The following WWOX variants were observed in gnomAD, a reference collection of about 807,000 sequenced individuals.
The protein encoded by WWOX is WW domain-containing oxidoreductase.
WWOX carries 69 observed loss-of-function variants against 46.2 expected under a neutral mutation model. That is an observed-to-expected ratio of 1.49 (90% confidence interval 1.23 to 1.82). The LOEUF (loss-of-function observed/expected upper bound fraction) is 1.82, where lower values mean the gene tolerates loss of function less well. Ranked by LOEUF, WWOX falls within the 40% of genes most tolerant of loss-of-function variation. WWOX has a pLI of 0.00. For missense variants in WWOX, 919 were observed against 542.6 expected (o/e 1.69, Z -6.89); for synonymous variants, 359 against 202.6 (o/e 1.77, Z -6.56).
intron 5 of WWOX, chr16:78,266,125 G>T (rs1226183564): frequency 2.0e-5 from 3 of 152,180 alleles, no homozygotes; most frequent in Non-Finnish European, 4.4e-5. Flanking sequence ...TGGTTTGAAG[G>T]TCAGATGTGG....
At chr16:79,171,588 G>A (rs1340642233) in intron 8 of WWOX, among the ~76,000 whole-genome samples, 3 of 152,140 alleles carry the variant, frequency 2.0e-5, no homozygotes, top group African/African-American at 4.8e-5. Context: ...TTCACAGTGG[G>A]CTTACAAATG....
intron 8 of WWOX, among the ~76,000 whole-genome samples, chr16:78,848,673 A>T (rs934613791): frequency 6.6e-6 from 1 of 152,170 alleles, no homozygotes; most frequent in African/African-American, 2.4e-5. Flanking sequence ...GCTGACCCTG[A>T]AGCAGAAAGC....
chr16:79,141,395 C>G (rs921603785), intron 8 of WWOX, among the ~76,000 whole-genome samples: 2 of 152,204 alleles, frequency 1.3e-5, no homozygotes, highest in Non-Finnish European at 2.9e-5. Flanking sequence ...CCTCCTGAGG[C>G]TGTGTCACAG....
chr16:78,669,603 T>C (rs746858558), intron 8 of WWOX, among the ~76,000 whole-genome samples: 1 of 152,204 alleles, frequency 6.6e-6, no homozygotes, highest in Non-Finnish European at 1.5e-5. Flanking sequence ...AGCTGGAAGG[T>C]GAACAGGAAC....
chr16:78,917,341 A>C (rs2045275724), intron 8 of WWOX, among the ~76,000 whole-genome samples: 1 of 152,212 alleles, frequency 6.6e-6, no homozygotes, highest in Admixed American at 6.5e-5. Context: ...TCCCACACTC[A>C]AATAAACATC....
intron 6 of WWOX, among the ~76,000 whole-genome samples, chr16:78,402,382 C>A (rs747868352): frequency 6.6e-6 from 1 of 152,120 alleles, no homozygotes; most frequent in East Asian, 1.9e-4. Flanking sequence ...GGTTGTCAGT[C>A]GGATATTTCT....
chr16:79,008,209 T>C (rs1210556252), intron 8 of WWOX, among the ~76,000 whole-genome samples: 1 of 152,188 alleles, frequency 6.6e-6, no homozygotes, highest in Non-Finnish European at 1.5e-5. Flanking sequence ...TCTCAGGCTC[T>C]CAGGCCCTAT....
intron 8 of WWOX, among the ~76,000 whole-genome samples, chr16:78,640,162 G>C (rs762318516): frequency 6.6e-6 from 1 of 151,162 alleles, no homozygotes; most frequent in East Asian, 1.9e-4. Flanking sequence ...AGAGTGTCTG[G>C]AGTTGCCAAC....
intron 5 of WWOX, among the ~76,000 whole-genome samples, chr16:78,298,128 G>A (rs1168608229): frequency 1.3e-5 from 2 of 152,128 alleles, no homozygotes; most frequent in Non-Finnish European, 2.9e-5. Flanking sequence ...ATGAATGTAA[G>A]TTTTCTGAGG....
At chr16:78,292,063 CTTTTTTT>C (rs5818123) in intron 5 of WWOX, among the ~76,000 whole-genome samples, 1 of 136,956 alleles carries the variant, frequency 7.3e-6, no homozygotes, top group Non-Finnish European at 1.6e-5. Flanking sequence ...TGATTTTTAC[CTTTTTTT>C]TTTTTTTTTT....
chr16:78,321,338 G>GTATATATATATACGTATATATGCGTA (rs199807849), intron 5 of WWOX, among the ~76,000 whole-genome samples: 3 of 51,462 alleles, frequency 5.8e-5, no homozygotes, highest in African/African-American at 8.3e-5. Context: ...GTATATATGC[G>GTATATATATATACGTATATATGCGTA]TATATATATA....
intron 8 of WWOX, among the ~76,000 whole-genome samples, chr16:78,677,920 C>G (rs1317918115): frequency 6.6e-6 from 1 of 152,232 alleles, no homozygotes; most frequent in Admixed American, 6.5e-5. Flanking sequence ...GCCCGTTCCA[C>G]TCCTACAAAT....
intron 8 of WWOX, among the ~76,000 whole-genome samples, chr16:78,522,415 C>G (rs2043368818): frequency 6.6e-6 from 1 of 152,176 alleles, no homozygotes; most frequent in Non-Finnish European, 1.5e-5. Flanking sequence ...TCTGGAAGCT[C>G]TCCTCTGTTT....
chr16:78,681,438 A>T (rs1403956042), intron 8 of WWOX, among the ~76,000 whole-genome samples: 1 of 151,886 alleles, frequency 6.6e-6, no homozygotes, highest in Non-Finnish European at 1.5e-5. Flanking sequence ...TTTTTTCCAC[A>T]TTCATCTATA....
rs1030498730 is a variant in WWOX at position 78,500,184 on chromosome 16, G to T, written c.1056+67432G>T. 2.4e-4 allele frequency among the ~76,000 whole-genome samples: 36 copies of T among 152,180 alleles called. 1 individual carries two copies. Among genetic ancestry groups the T allele is most frequent in the African/African-American group, 8.7e-4 (36 of 41,456 alleles). On this transcript the variant is annotated intron_variant, in intron 8 of 8. Coordinates refer to ENST00000566780, the MANE Select transcript of WWOX (RefSeq NM_016373.4). ...GGTGTAGAATTTTGCCAGTCCTACGGTCAATGCAGTACTAATTGTGTGTGT... is the reference window on the plus strand; with the variant it reads ...GGTGTAGAATTTTGCCAGTCCTACGTTCAATGCAGTACTAATTGTGTGTGT...
At chr16:78,638,832 C>T (rs1314033551) in intron 8 of WWOX, among the ~76,000 whole-genome samples, 1 of 152,132 alleles carries the variant, frequency 6.6e-6, no homozygotes. Flanking sequence ...ACAGTTGTAG[C>T]TCCTGTGAAG....
At chr16:78,671,966 A>G (rs927182054) in intron 8 of WWOX, among the ~76,000 whole-genome samples, 8 of 152,098 alleles carry the variant, frequency 5.3e-5, no homozygotes, top group Non-Finnish European at 4.4e-5. Flanking sequence ...AGTGGAAAAA[A>G]TATGATCCTT....
chr16:78,844,397 C>T (rs967208238), intron 8 of WWOX, among the ~76,000 whole-genome samples: 5 of 152,028 alleles, frequency 3.3e-5, no homozygotes, highest in East Asian at 1.9e-4. Context: ...ATTTTCCTGC[C>T]GTGTGGTACC....
At chr16:79,012,273 C>T (rs929611898) in intron 8 of WWOX, among the ~76,000 whole-genome samples, 2 of 152,062 alleles carry the variant, frequency 1.3e-5, no homozygotes, top group African/African-American at 2.4e-5. Context: ...CGCTCTGTCA[C>T]CTAGGCTAGA....
Sources: allele counts gnomAD v4.1 joint callset (sites outside exome capture counted in the v4.1 genomes callset), GRCh38; gene constraint gnomAD v4.1.1; transcripts MANE v1.5; gene names NCBI Gene and HGNC (gene_info 2026-07-23, HGNC 2026-07-21).